Variants in ZNF331 observed in about 807,000 individuals in gnomAD.
ZNF331 encodes C2H2-like zinc finger protein rearranged in thyroid adenomas.
A neutral mutation model predicts 7.0 loss-of-function variants in ZNF331; 2 were observed. The observed-to-expected ratio is 0.29, with a 90% confidence interval of 0.12 to 0.90. ZNF331 has a LOEUF of 0.90. ZNF331 is among the 40% of genes least tolerant of loss of function. The probability of loss-of-function intolerance (pLI) is 0.58; values close to 1 mark genes in which losing one functional copy is unlikely to be tolerated. For missense variants in ZNF331, 432 were observed against 587.7 expected (o/e 0.74, Z 2.74); for synonymous variants, 196 against 205.4 (o/e 0.95, Z 0.39).
chr19:53,508,081 G>C, the ZNF331 span, among the ~76,000 whole-genome samples: 7 of 152,182 alleles, frequency 4.6e-5, no homozygotes, highest in Non-Finnish European at 1.0e-4. Context: ...TCTAACAGTT[G>C]CATCCGTGAT....
rs2090804259 is a variant in ZNF331 at position 53,578,102 on chromosome 19, C to T, written c.*150C>T. 3.8e-6 allele frequency: 4 copies of T among 1,049,702 alleles called. No individual in the cohort carries two copies. The highest frequency in any genetic ancestry group is 1.7e-5 in the South Asian group (1 of 57,460). 65.0% of individuals were successfully genotyped at this position (1,049,702 alleles called of 1,614,324 possible). A position where few individuals can be genotyped will look rare whatever the true frequency, so the allele number is the denominator to read the frequency against. On this transcript the variant is annotated 3_prime_UTR_variant, in exon 6 of 6. Transcript: ENST00000449416. ...TCAAATGGTGTGCCCTTCTGAGTAG[C>T]GTGATGAAATCTCTCGCTGTCCGGC...
At chr19:53,572,731 C>T (rs928710245) in intron 5 of ZNF331, among the ~76,000 whole-genome samples, 4 of 151,594 alleles carry the variant, frequency 2.6e-5, no homozygotes, top group Admixed American at 1.3e-4. Flanking sequence ...CATTGCATTT[C>T]GTTCTCACAG....
chr19:53,524,424 T>C (rs2087213743), intron 2 of ZNF331, among the ~76,000 whole-genome samples: 1 of 152,186 alleles, frequency 6.6e-6, no homozygotes, highest in Non-Finnish European at 1.5e-5. Context: ...CTCTAGCATC[T>C]GTTGTTTCCT....
rs575681720 is a variant in ZNF331, at chr19:53,578,667, AC to A, written c.*721del. 2.9e-5 allele frequency: 6 copies of A among 206,594 alleles called. No homozygotes were observed. Among genetic ancestry groups the A allele is most frequent in the East Asian group, 7.4e-5 (1 of 13,532 alleles). 12.8% of individuals were successfully genotyped at this position (206,594 alleles called of 1,614,324 possible). The stretch of plus-strand genomic sequence containing the variant: ...GTGTCCACTGCGGGTCTTCAAACGT[AC>A]CCCCCTCAGGTGAGAGGGGACTGCT... On this transcript the variant is annotated 3_prime_UTR_variant, in exon 6 of 6. Transcript: ENST00000449416.
the ZNF331 span, among the ~76,000 whole-genome samples, chr19:53,513,372 T>G: frequency 6.6e-6 from 1 of 152,106 alleles, no homozygotes. Context: ...TTTTTAAAAT[T>G]AAAAAGAATT....
chr19:53,568,093 A>G (rs2090249059), intron 3 of ZNF331, among the ~76,000 whole-genome samples: 1 of 152,052 alleles, frequency 6.6e-6, no homozygotes, highest in Non-Finnish European at 1.5e-5. Context: ...TACTAAAAAT[A>G]CAAAAATTAG....
chr19:53,542,966 C>T (rs918737022), intron 2 of ZNF331, among the ~76,000 whole-genome samples: 5 of 152,162 alleles, frequency 3.3e-5, no homozygotes, highest in Admixed American at 1.3e-4. Flanking sequence ...AGTGCCACCA[C>T]GCCCAGCTAA....
At chr19:53,520,177 A>G (rs1375730152), upstream of ZNF331, among the ~76,000 whole-genome samples, 1 of 151,698 alleles carries the variant, frequency 6.6e-6, no homozygotes, top group Non-Finnish European at 1.5e-5. Context: ...CCTCCCAAGT[A>G]GCTGGGATTA....
At chr19:53,532,545 CAGCAACTTGGG>C (rs1482100020) in intron 2 of ZNF331, among the ~76,000 whole-genome samples, 2 of 152,082 alleles carry the variant, frequency 1.3e-5, no homozygotes, top group African/African-American at 4.8e-5. Flanking sequence ...AATAATACTG[CAGCAACTTGGG>C]AGCATTCCTT....
chr19:53,505,423 T>C, the ZNF331 span, among the ~76,000 whole-genome samples: 1 of 152,110 alleles, frequency 6.6e-6, no homozygotes, highest in Non-Finnish European at 1.5e-5. Flanking sequence ...GGTCTCGAGC[T>C]CCTGGGCTCA....
upstream of ZNF331, among the ~76,000 whole-genome samples, chr19:53,533,795 G>A (rs575860809): frequency 1.9e-4 from 29 of 152,028 alleles, no homozygotes; most frequent in African/African-American, 6.0e-4. Context: ...TCTGATATAC[G>A]TACAGTTGAC....
intron 2 of ZNF331, among the ~76,000 whole-genome samples, chr19:53,553,664 C>A (rs1002514502): frequency 6.6e-6 from 1 of 152,162 alleles, no homozygotes; most frequent in African/African-American, 2.4e-5. Flanking sequence ...GGAATGAGAG[C>A]GGGACTAACT....
chr19:53,534,962 A>G (rs1453386306), upstream of ZNF331, among the ~76,000 whole-genome samples: 5 of 145,542 alleles, frequency 3.4e-5, no homozygotes, highest in African/African-American at 1.3e-4. Flanking sequence ...CTTTTTTTAA[A>G]TTTGGGGCTC....
chr19:53,535,499 C>T (rs1274889548), upstream of ZNF331, among the ~76,000 whole-genome samples: 1 of 152,146 alleles, frequency 6.6e-6, no homozygotes, highest in African/African-American at 2.4e-5. Context: ...GTTTCTGGAA[C>T]ATTGAATCCT....
At chr19:53,526,861 A>AT (rs923477234) in intron 2 of ZNF331, among the ~76,000 whole-genome samples, 5 of 151,284 alleles carry the variant, frequency 3.3e-5, no homozygotes, top group Non-Finnish European at 5.9e-5. Flanking sequence ...CCGGGAACTA[A>AT]TTTTTTTTAT....
At chr19:53,511,424 T>C in the ZNF331 span, among the ~76,000 whole-genome samples, 338 of 152,204 alleles carry the variant, frequency 2.2e-3, 3 homozygotes, top group Non-Finnish European at 3.0e-3. Flanking sequence ...TTTAATATCC[T>C]ATAGTAAAAC....
At chr19:53,509,026 C>T in the ZNF331 span, among the ~76,000 whole-genome samples, 6,408 of 152,134 alleles carry the variant, frequency 0.042, 183 homozygotes, top group East Asian at 0.13. Flanking sequence ...TAATCACCTC[C>T]GTGAGTCCCA....
intron 2 of ZNF331, among the ~76,000 whole-genome samples, chr19:53,545,020 G>A (rs1014986235): frequency 6.6e-5 from 10 of 152,224 alleles, no homozygotes; most frequent in Non-Finnish European, 8.8e-5. Flanking sequence ...CACCATGCCC[G>A]GCCTGTACTG....
At position 53,578,167 on chromosome 19, in the gene ZNF331, A is replaced by G; in HGVS notation, c.*215A>G. The G allele has an allele frequency of 1.7e-6, 1 of 588,606 alleles. No individual in the cohort carries two copies. The highest frequency in any genetic ancestry group is 2.9e-6 in the Non-Finnish European group (1 of 344,256). 36.5% of individuals were successfully genotyped at this position (588,606 alleles called of 1,614,324 possible). On this transcript the variant is annotated 3_prime_UTR_variant, in exon 6 of 6. Transcript: ENST00000449416. ...GATGTGAGTCATCCCTTGGTCCAGCACATCCACGCTGTATACGCCACCCAC... is the reference window on the plus strand; with the variant it reads ...GATGTGAGTCATCCCTTGGTCCAGCGCATCCACGCTGTATACGCCACCCAC...
Sources: gnomAD v4.1 joint callset for allele counts (sites outside exome capture counted in the v4.1 genomes callset) on GRCh38, gnomAD v4.1.1 for gene constraint, MANE v1.5 for transcripts, NCBI Gene and HGNC (gene_info 2026-07-23, HGNC 2026-07-21) for gene names.